The following RBFOX1 variants were observed in gnomAD, a reference collection of about 807,000 sequenced individuals.
The protein encoded by RBFOX1 is RNA binding protein fox-1 homolog 1.
RBFOX1 carries 8 observed loss-of-function variants against 57.7 expected under a neutral mutation model. The ratio of observed to expected loss-of-function variants is 0.14; its 90% CI spans 0.08 to 0.25. RBFOX1 has a LOEUF of 0.25. Among genes scored for constraint, RBFOX1 ranks in the 10% least tolerant of loss-of-function variants. The pLI is 1.00. For missense variants in RBFOX1, 611 were observed against 548.5 expected (o/e 1.11, Z -1.14); for synonymous variants, 326 against 222.4 (o/e 1.47, Z -4.15).
At chr16:7,020,137 G>T (rs537204052) in intron 3 of RBFOX1, among the ~76,000 whole-genome samples, 2 of 151,976 alleles carry the variant, frequency 1.3e-5, no homozygotes, top group Admixed American at 6.6e-5. Flanking sequence ...GGCCAGGTGC[G>T]GCGTACCCGG....
intron 4 of RBFOX1, among the ~76,000 whole-genome samples, chr16:7,060,676 GA>G (rs2053969745): frequency 6.6e-6 from 1 of 151,962 alleles, no homozygotes; most frequent in South Asian, 2.1e-4. Flanking sequence ...TTTTTTATTG[GA>G]TCCCCCAGCA....
At chr16:6,566,749 G>A (rs890925938) in intron 2 of RBFOX1, among the ~76,000 whole-genome samples, 1 of 152,064 alleles carries the variant, frequency 6.6e-6, no homozygotes, top group Non-Finnish European at 1.5e-5. Context: ...TGAGAAACAG[G>A]ATCTGTGTTT....
At chr16:7,381,853 T>A (rs184903014) in intron 4 of RBFOX1, among the ~76,000 whole-genome samples, 7 of 152,286 alleles carry the variant, frequency 4.6e-5, no homozygotes, top group Admixed American at 1.3e-4. Flanking sequence ...GAGTGCTTTG[T>A]TGGGCATTTG....
intron 3 of RBFOX1, among the ~76,000 whole-genome samples, chr16:6,787,430 T>A (rs182139464): frequency 6.8e-4 from 104 of 152,296 alleles, no homozygotes; most frequent in African/African-American, 2.4e-3. Flanking sequence ...TTTCCAAAAT[T>A]ATTTTATTTT....
chr16:6,851,105 C>T (rs1567553943), intron 3 of RBFOX1, among the ~76,000 whole-genome samples: 1 of 152,190 alleles, frequency 6.6e-6, no homozygotes, highest in Non-Finnish European at 1.5e-5. Flanking sequence ...GTGAGTTTCA[C>T]TCCCTTGTGG....
chr16:6,003,757 C>T (rs1417756076), intron 4 of RBFOX1, among the ~76,000 whole-genome samples: 1 of 152,176 alleles, frequency 6.6e-6, no homozygotes, highest in African/African-American at 2.4e-5. Context: ...AACAGCTAAG[C>T]CAGGGTCTCA....
intron 2 of RBFOX1, among the ~76,000 whole-genome samples, chr16:5,507,523 T>A (rs2151713054): frequency 6.6e-6 from 1 of 152,254 alleles, no homozygotes; most frequent in African/African-American, 2.4e-5. Context: ...GTTTTCTGGG[T>A]CTGAAGACAG....
chr16:5,331,121 G>A (rs1256295982), intron 1 of RBFOX1, among the ~76,000 whole-genome samples: 2 of 152,266 alleles, frequency 1.3e-5, no homozygotes, highest in East Asian at 3.9e-4. Context: ...ACATTACCAT[G>A]GAGCATTTTT....
chr16:6,092,709 C>G (rs1488420207), intron 1 of RBFOX1: 2 of 152,076 alleles, frequency 1.3e-5, no homozygotes, highest in African/African-American at 4.8e-5. Flanking sequence ...TGGTGTGTGG[C>G]ATTATTTCTG....
intron 3 of RBFOX1, among the ~76,000 whole-genome samples, chr16:6,970,345 C>G (rs547666128): frequency 1.3e-5 from 2 of 152,288 alleles, no homozygotes; most frequent in East Asian, 1.9e-4. Context: ...TGGTTTGACA[C>G]TTAGGTTTGT....
At chr16:6,765,205 C>T (rs1420219995) in intron 3 of RBFOX1, among the ~76,000 whole-genome samples, 1 of 152,040 alleles carries the variant, frequency 6.6e-6, no homozygotes, top group African/African-American at 2.4e-5. Flanking sequence ...AGGGGGTGGA[C>T]TAAAGGCTGG....
chr16:7,472,036 A>G (rs2061649706), intron 4 of RBFOX1, among the ~76,000 whole-genome samples: 1 of 152,228 alleles, frequency 6.6e-6, no homozygotes, highest in Admixed American at 6.5e-5. Context: ...ACTTTAGTAT[A>G]TATTTGACAC....
intron 3 of RBFOX1, among the ~76,000 whole-genome samples, chr16:6,770,809 G>T (rs1603618865): frequency 6.6e-6 from 1 of 152,156 alleles, no homozygotes; most frequent in Non-Finnish European, 1.5e-5. Flanking sequence ...ATGACAGGGA[G>T]GAAATGAGCA....
chr16:7,685,389 C>T (rs2075847514), intron 14 of RBFOX1, among the ~76,000 whole-genome samples: 1 of 152,092 alleles, frequency 6.6e-6, no homozygotes, highest in South Asian at 2.1e-4. Context: ...AATTCTTTAC[C>T]CCAAAAGATC....
At chr16:7,404,459 G>A (rs771373125) in intron 4 of RBFOX1, among the ~76,000 whole-genome samples, 7 of 152,186 alleles carry the variant, frequency 4.6e-5, no homozygotes, top group Non-Finnish European at 8.8e-5. Context: ...AATGATGACG[G>A]CTCCTGTTAA....
intron 2 of RBFOX1, among the ~76,000 whole-genome samples, chr16:6,645,562 A>G (rs1361601909): frequency 1.3e-5 from 2 of 152,140 alleles, no homozygotes; most frequent in South Asian, 2.1e-4. Flanking sequence ...GTAGAAGAAA[A>G]GAAGTCTCTC....
chr16:7,423,243 AAC>A (rs2098561260), intron 4 of RBFOX1, among the ~76,000 whole-genome samples: 1 of 152,178 alleles, frequency 6.6e-6, no homozygotes, highest in Non-Finnish European at 1.5e-5. Context: ...ACCTGTATCC[AAC>A]CCCATTTCAG....
intron 3 of RBFOX1, among the ~76,000 whole-genome samples, chr16:5,823,235 A>G (rs2055918010): frequency 6.6e-6 from 1 of 152,202 alleles, no homozygotes; most frequent in African/African-American, 2.4e-5. Context: ...CTATTCTAGC[A>G]TAAGTCCTTA....
At chr16:7,434,500 A>G (rs2098706979) in intron 4 of RBFOX1, among the ~76,000 whole-genome samples, 1 of 151,884 alleles carries the variant, frequency 6.6e-6, no homozygotes, top group African/African-American at 2.4e-5. Context: ...ATAAAAATAA[A>G]AATAAAAAAA....
Sources: allele counts gnomAD v4.1 joint callset (sites outside exome capture counted in the v4.1 genomes callset), GRCh38; gene constraint gnomAD v4.1.1; transcripts MANE v1.5; gene names NCBI Gene and HGNC (gene_info 2026-07-23, HGNC 2026-07-21).